The following CFAP54 variants were observed in gnomAD, a reference collection of about 807,000 sequenced individuals.
The protein encoded by CFAP54 is cilia and flagella associated protein 54.
In CFAP54, 290 loss-of-function variants were observed where a neutral mutation model predicts 370.4. The ratio of observed to expected loss-of-function variants is 0.78; its 90% CI spans 0.71 to 0.86. The LOEUF is 0.86. Among genes scored for constraint, CFAP54 ranks in the 40% least tolerant of loss-of-function variants. The probability of loss-of-function intolerance (pLI) is 0.00; values close to 1 mark genes in which losing one functional copy is unlikely to be tolerated. For synonymous variants in CFAP54, 1,206 were observed against 1,236.5 expected, an observed-to-expected ratio of 0.98 and a Z score of 0.52; for missense variants, 3,399 against 3,528.7, an observed-to-expected ratio of 0.96 and a Z score of 0.93.
chr12:96,546,911 A>G (rs1233646847), intron 14 of CFAP54, among the ~76,000 whole-genome samples: 1 of 152,044 alleles, frequency 6.6e-6, no homozygotes, highest in Non-Finnish European at 1.5e-5. Context: ...GTTTTATATC[A>G]TTATAAATGG....
intron 39 of CFAP54, among the ~76,000 whole-genome samples, chr12:96,671,080 C>T (rs960583227): frequency 6.6e-6 from 1 of 152,212 alleles, no homozygotes; most frequent in Non-Finnish European, 1.5e-5. Flanking sequence ...TCAAGCGATT[C>T]TCCTGCCTCA....
chr12:96,719,885 A>G (rs1403644317), intron 49 of CFAP54, among the ~76,000 whole-genome samples: 1 of 152,234 alleles, frequency 6.6e-6, no homozygotes, highest in Non-Finnish European at 1.5e-5. Flanking sequence ...TGGAGAAGCT[A>G]TGTGTGTTAG....
At chr12:96,664,688 GGTAT>G (rs879404758) in intron 39 of CFAP54, among the ~76,000 whole-genome samples, 39,690 of 88,384 alleles carry the variant, frequency 0.45, 7,838 homozygotes, top group African/African-American at 0.48. Flanking sequence ...TATTCCTTTG[GGTAT>G]ATATCTATAT....
At chr12:96,762,401 T>C (rs7959902) in intron 58 of CFAP54, among the ~76,000 whole-genome samples, 55,301 of 152,040 alleles carry the variant, frequency 0.36, 10,819 homozygotes, top group East Asian at 0.58. Context: ...TCTACATGCA[T>C]TCCACACCCC....
At chr12:96,818,246 A>G (rs928459773) in intron 65 of CFAP54, among the ~76,000 whole-genome samples, 2 of 152,244 alleles carry the variant, frequency 1.3e-5, no homozygotes, top group Admixed American at 1.3e-4. Context: ...TTATTTAAAC[A>G]CTTTTATTTC....
At chr12:96,530,855 T>C (rs1204342574) in intron 9 of CFAP54, among the ~76,000 whole-genome samples, 1 of 152,240 alleles carries the variant, frequency 6.6e-6, no homozygotes, top group African/African-American at 2.4e-5. Flanking sequence ...TCATTACTTT[T>C]TTATTTTAGC....
chr12:96,757,768 A>G (rs1958280017), intron 58 of CFAP54, among the ~76,000 whole-genome samples, 180 bp downstream of exon 58: 1 of 152,278 alleles, frequency 6.6e-6, no homozygotes, highest in Middle Eastern at 3.4e-3. Flanking sequence ...GACATTTTAT[A>G]TAGGGCTTTG....
At chr12:96,518,704 A>G (rs1391829250) in intron 5 of CFAP54, among the ~76,000 whole-genome samples, 2 of 152,098 alleles carry the variant, frequency 1.3e-5, no homozygotes, top group East Asian at 3.8e-4. Context: ...TAAACAAACA[A>G]AAAAGACATT....
intron 12 of CFAP54, 143 bp from the exon 13 acceptor site, chr12:96,538,241 T>C (rs1025779128): frequency 2.9e-6 from 2 of 692,636 alleles, no homozygotes; most frequent in African/African-American, 1.8e-5. Context: ...AGGATCATAC[T>C]AGGACTCCTC....
At chr12:96,852,940 C>T (rs1340711271) in intron 66 of CFAP54, among the ~76,000 whole-genome samples, 1 of 152,032 alleles carries the variant, frequency 6.6e-6, no homozygotes, top group Non-Finnish European at 1.5e-5. Context: ...CATACCGGAA[C>T]AGCCACTGTT....
chr12:96,742,548 C>T lies in CFAP54; in HGVS notation c.7181C>T (p.Ala2394Val), dbSNP rs769551008. The T allele has an allele frequency of 1.2e-6, 2 of 1,613,012 alleles. No individual in the cohort carries two copies. The highest frequency in any genetic ancestry group is 1.7e-5 in the Admixed American group (1 of 59,898). The change falls in exon 52 of 68, where the codon GCA becomes GTA. Residue 2394 changes from alanine to valine, a missense_variant. Around this residue, in one of 3 missense-constraint regions of CFAP54, gnomAD observed 2,796 missense variants for 2,869.7 expected, o/e 0.97. Transcript: ENST00000524981. ...WLRCRLALVT[A>V]FVAQIHGIGI... ...AGGTGCCGCTTAGCATTGGTGACTG[C>T]ATTTGTTGCACAGATTCATGGCATT...
chr12:96,523,253 A>C (rs576310841), intron 8 of CFAP54, among the ~76,000 whole-genome samples: 2 of 152,254 alleles, frequency 1.3e-5, no homozygotes, highest in African/African-American at 4.8e-5. Context: ...CTTTTATATT[A>C]CAGTTGGGAA....
intron 26 of CFAP54, among the ~76,000 whole-genome samples, chr12:96,618,798 G>C (rs1291264813): frequency 6.6e-6 from 1 of 152,132 alleles, no homozygotes; most frequent in African/African-American, 2.4e-5. Flanking sequence ...TGCATTTCCT[G>C]ACTTGCTGGC....
intron 66 of CFAP54, among the ~76,000 whole-genome samples, chr12:96,853,653 A>G (rs1959619126): frequency 1.3e-5 from 2 of 152,184 alleles, no homozygotes; most frequent in South Asian, 2.1e-4. Context: ...AGTTTGAAGC[A>G]TCTGACTTGT....
intron 66 of CFAP54, among the ~76,000 whole-genome samples, chr12:96,845,676 C>G (rs1341260154): frequency 6.6e-6 from 1 of 152,250 alleles, no homozygotes; most frequent in African/African-American, 2.4e-5. Context: ...GCTTCCTTCC[C>G]TTTCCCCATG....
chr12:96,730,801 TATA>T (rs1264167600), intron 50 of CFAP54, among the ~76,000 whole-genome samples: 1 of 152,340 alleles, frequency 6.6e-6, no homozygotes, highest in African/African-American at 2.4e-5. Context: ...ATTGGAAACA[TATA>T]ATCATCTCAT....
At chr12:96,674,004 C>G (rs954043791) in intron 39 of CFAP54, among the ~76,000 whole-genome samples, 1 of 152,192 alleles carries the variant, frequency 6.6e-6, no homozygotes, top group African/African-American at 2.4e-5. Flanking sequence ...GCTTGTTAAG[C>G]TCCATAGGGG....
chr12:96,615,844 A>T (rs1956410792), intron 26 of CFAP54, among the ~76,000 whole-genome samples: 1 of 152,244 alleles, frequency 6.6e-6, no homozygotes, highest in African/African-American at 2.4e-5. Context: ...AATGGTGATC[A>T]TTAAAAAGTC....
intron 66 of CFAP54, among the ~76,000 whole-genome samples, chr12:96,856,655 A>C (rs1460325872): frequency 1.3e-5 from 2 of 150,884 alleles, no homozygotes; most frequent in East Asian, 1.9e-4. Context: ...TTTTGGTCAA[A>C]GCCATTCAAC....
Sources: allele counts gnomAD v4.1 joint callset (sites outside exome capture counted in the v4.1 genomes callset), GRCh38; gene constraint gnomAD v4.1.1; regional missense constraint gnomAD v4.1.1; transcripts MANE v1.5; gene names NCBI Gene and HGNC (gene_info 2026-07-23, HGNC 2026-07-21).